Variants in HCN1 observed in about 807,000 individuals in gnomAD.
The protein encoded by HCN1 is hyperpolarization activated cyclic nucleotide gated potassium channel 1.
HCN1 carries 13 observed loss-of-function variants against 78.9 expected under a neutral mutation model. That is an observed-to-expected ratio of 0.16 (90% CI 0.11 to 0.26). The LOEUF is 0.26. Ranked by LOEUF, HCN1 falls within the 10% of genes least tolerant of loss-of-function variation. HCN1 has a pLI of 1.00. For missense variants in HCN1, 810 were observed against 1,154.3 expected, an observed-to-expected ratio of 0.70 and a Z score of 4.32; for synonymous variants, 552 against 455.5, an observed-to-expected ratio of 1.21 and a Z score of -2.70.
At chr5:45,607,600 T>G (rs1744749363) in intron 2 of HCN1, among the ~76,000 whole-genome samples, 1 of 149,248 alleles carries the variant, frequency 6.7e-6, no homozygotes, top group Admixed American at 6.8e-5. Flanking sequence ...TATATATCTA[T>G]AGATAGATCC....
chr5:45,682,947 T>C (rs907611256), intron 1 of HCN1, among the ~76,000 whole-genome samples: 3 of 152,118 alleles, frequency 2.0e-5, no homozygotes, highest in African/African-American at 7.2e-5. Flanking sequence ...CTTACTACCC[T>C]ATACATTTTC....
chr5:45,439,389 T>C (rs1227741525), intron 3 of HCN1, among the ~76,000 whole-genome samples: 1 of 152,078 alleles, frequency 6.6e-6, no homozygotes, highest in Non-Finnish European at 1.5e-5. Flanking sequence ...ATTGGGGATA[T>C]GTAATGGGCC....
At chr5:45,373,050 A>G (rs940615271) in intron 4 of HCN1, among the ~76,000 whole-genome samples, 4 of 136,388 alleles carry the variant, frequency 2.9e-5, no homozygotes, top group Non-Finnish European at 6.2e-5. Flanking sequence ...TATAAAATAT[A>G]ATATATATAA....
rs1258546154 is a variant in HCN1, at chr5:45,597,304, C to T, written c.849+47881G>A. Among the ~76,000 whole-genome samples, 3 of 152,182 alleles carry T rather than the reference C, an allele frequency of 2.0e-5. No individual in the cohort carries two copies. In the East Asian group the frequency reaches 5.8e-4, roughly 29 times the overall value. On this transcript the variant is annotated intron_variant, in intron 2 of 7. Transcript: ENST00000303230. The stretch of plus-strand genomic sequence containing the variant: ...AACGTAATCCATCACGTAAACAGAT[C>T]CAAAGACAAAAAACACATGATTATC...
intron 1 of HCN1, among the ~76,000 whole-genome samples, chr5:45,684,720 G>A (rs1389220004): frequency 6.6e-6 from 1 of 152,118 alleles, no homozygotes; most frequent in African/African-American, 2.4e-5. Context: ...AACTAGCTAG[G>A]TGTGGTTGGT....
intron 1 of HCN1, among the ~76,000 whole-genome samples, chr5:45,694,505 T>C (rs1739968879): frequency 6.6e-6 from 1 of 152,216 alleles, no homozygotes; most frequent in Non-Finnish European, 1.5e-5. Context: ...CAATTTCCCT[T>C]AGTTTCTAAA....
chr5:45,345,039 C>T (rs1231389090), intron 5 of HCN1, among the ~76,000 whole-genome samples: 3 of 152,174 alleles, frequency 2.0e-5, no homozygotes, highest in Non-Finnish European at 4.4e-5. Flanking sequence ...TCCATACATC[C>T]TCTGAAATCT....
intron 2 of HCN1, among the ~76,000 whole-genome samples, chr5:45,560,658 T>A (rs901299149): frequency 2.4e-4 from 36 of 152,140 alleles, no homozygotes; most frequent in African/African-American, 8.4e-4. Context: ...CAATTATATT[T>A]AACAAATAAA....
At chr5:45,472,811 T>A (rs1162634261) in intron 2 of HCN1, among the ~76,000 whole-genome samples, 1 of 152,152 alleles carries the variant, frequency 6.6e-6, no homozygotes, top group Non-Finnish European at 1.5e-5. Flanking sequence ...GTAATTTGAA[T>A]ACCCATTCAT....
chr5:45,308,424 T>C (rs950179098), intron 5 of HCN1, among the ~76,000 whole-genome samples: 1 of 152,050 alleles, frequency 6.6e-6, no homozygotes, highest in Non-Finnish European at 1.5e-5. Flanking sequence ...AGAAAATAAA[T>C]ATGATTTTGT....
chr5:45,293,984 A>G (rs1012316793), intron 6 of HCN1, among the ~76,000 whole-genome samples: 1 of 152,018 alleles, frequency 6.6e-6, no homozygotes, highest in African/African-American at 2.4e-5. Flanking sequence ...AAACTCCATA[A>G]GGAGATTAAT....
intron 3 of HCN1, among the ~76,000 whole-genome samples, chr5:45,434,021 G>C (rs908473326): frequency 2.0e-5 from 3 of 152,128 alleles, no homozygotes; most frequent in Non-Finnish European, 4.4e-5. Flanking sequence ...CAAATGGAGT[G>C]GTGTCCCAGT....
intron 1 of HCN1, among the ~76,000 whole-genome samples, chr5:45,693,522 C>A (rs1739953227): frequency 6.6e-6 from 1 of 152,208 alleles, no homozygotes; most frequent in South Asian, 2.1e-4. Context: ...AGTTTTTAAT[C>A]ATTTCCCATT....
At chr5:45,376,118 AAT>A (rs1322940218) in intron 4 of HCN1, among the ~76,000 whole-genome samples, 8 of 109,704 alleles carry the variant, frequency 7.3e-5, no homozygotes, top group South Asian at 5.3e-4. Context: ...TATAATATAT[AAT>A]ATGTTATATA....
At chr5:45,580,732 C>A (rs534608370) in intron 2 of HCN1, among the ~76,000 whole-genome samples, 2 of 152,170 alleles carry the variant, frequency 1.3e-5, no homozygotes, top group African/African-American at 4.8e-5. Flanking sequence ...TGTTCCTCTT[C>A]CTGTGGCCAT....
chr5:45,266,852 G>T (rs1318229021), intron 7 of HCN1, among the ~76,000 whole-genome samples: 3 of 151,962 alleles, frequency 2.0e-5, no homozygotes, highest in African/African-American at 7.3e-5. Flanking sequence ...GGGATTACAG[G>T]TGCACGCCAC....
chr5:45,616,783 T>C (rs528730092), intron 2 of HCN1, among the ~76,000 whole-genome samples: 3 of 151,894 alleles, frequency 2.0e-5, no homozygotes, highest in Non-Finnish European at 4.4e-5. Context: ...GAAAAGAAAA[T>C]AGGAAAAATA....
chr5:45,510,331 C>T (rs58366857), intron 2 of HCN1, among the ~76,000 whole-genome samples: 89 of 152,036 alleles, frequency 5.9e-4, no homozygotes, highest in African/African-American at 1.9e-3. Context: ...CATGAATGTG[C>T]GTATGACACA....
rs12522524 is a variant in HCN1 at position 45,256,984 on chromosome 5, C to T, written c.*4937G>A. 0.15 allele frequency: 22,560 copies of T among 152,196 alleles called. 1,978 individuals are homozygous for T. The highest frequency in any genetic ancestry group is 0.23 in the Admixed American group (3,516 of 15,280). 9.4% of individuals were successfully genotyped at this position (152,196 alleles called of 1,614,324 possible). On this transcript the variant is annotated 3_prime_UTR_variant, in exon 8 of 8. Coordinates refer to ENST00000303230, the MANE Select transcript of HCN1 (RefSeq NM_021072.4). ...TTCCCTGCCGCAATATATTATCTTA[C>T]GCAAAGCAAGTAAACTTTCAGTTTC...
Sources: allele counts gnomAD v4.1 joint callset (sites outside exome capture counted in the v4.1 genomes callset), GRCh38; gene constraint gnomAD v4.1.1; transcripts MANE v1.5; gene names NCBI Gene and HGNC (gene_info 2026-07-23, HGNC 2026-07-21).